Variants in SPAG6 observed in about 807,000 individuals in gnomAD.
SPAG6 encodes sperm-associated antigen 6.
Under a neutral mutation model 58.5 loss-of-function variants are expected in SPAG6, and 49 were observed. That is an observed-to-expected ratio of 0.84 (90% CI 0.67 to 1.06). SPAG6 has a LOEUF of 1.06. Among genes scored for constraint, SPAG6 ranks in the 50% least tolerant of loss-of-function variants. SPAG6 has a pLI of 0.00. For missense variants in SPAG6, 560 were observed against 611.3 expected (o/e 0.92, Z 0.89); for synonymous variants, 233 against 225.6 (o/e 1.03, Z -0.29).
At chr10:22,385,315 G>A (rs1834041217) in intron 4 of SPAG6, among the ~76,000 whole-genome samples, 1 of 152,098 alleles carries the variant, frequency 6.6e-6, no homozygotes, top group Non-Finnish European at 1.5e-5. Flanking sequence ...TGTTTCTGAG[G>A]AACCTGTTGT....
intron 3 of SPAG6, among the ~76,000 whole-genome samples, chr10:22,365,476 C>CT (rs1837171332): frequency 6.6e-6 from 1 of 152,106 alleles, no homozygotes; most frequent in Non-Finnish European, 1.5e-5. Context: ...TTTGATAAAT[C>CT]TTTTTTTACC....
intron 10 of SPAG6, among the ~76,000 whole-genome samples, chr10:22,415,428 A>C (rs115169188): frequency 3.3e-5 from 5 of 152,168 alleles, no homozygotes; most frequent in Non-Finnish European, 7.4e-5. Context: ...CTCAGAGAAG[A>C]AGCAGTTGTG....
intron 4 of SPAG6, among the ~76,000 whole-genome samples, chr10:22,385,211 G>A (rs1392344016): frequency 6.6e-6 from 1 of 151,980 alleles, no homozygotes; most frequent in Non-Finnish European, 1.5e-5. Flanking sequence ...CTTTGGATGG[G>A]TGTGGGGGTG....
rs541114504 is a variant in SPAG6, at chr10:22,397,096, C to T, written c.1198-4065C>T. Among the ~76,000 whole-genome samples, 3 of 152,070 alleles carry T rather than the reference C, an allele frequency of 2.0e-5. No individual in the cohort carries two copies. In the South Asian group the frequency reaches 6.2e-4, roughly 32 times the overall value. Reference sequence around the variant, plus strand: ...GTTGTAAGGGCTATTTTATTTTGCTCACAGCCATAAACAACCAATCATAAT... The same window carrying T: ...GTTGTAAGGGCTATTTTATTTTGCTTACAGCCATAAACAACCAATCATAAT... On this transcript the variant is annotated intron_variant, in intron 8 of 10. Transcript: ENST00000376624.
intron 9 of SPAG6, among the ~76,000 whole-genome samples, chr10:22,409,226 G>T (rs962432646): frequency 2.0e-5 from 3 of 152,206 alleles, no homozygotes; most frequent in African/African-American, 7.2e-5. Context: ...AAGGTGAAAA[G>T]ATACTGAAGT....
intron 3 of SPAG6, among the ~76,000 whole-genome samples, chr10:22,367,380 A>G (rs1217126534): frequency 6.6e-6 from 1 of 152,162 alleles, no homozygotes; most frequent in East Asian, 1.9e-4. Flanking sequence ...CATCAGTACT[A>G]ATATAGCATA....
At chr10:22,410,980 A>G (rs1834716505) in intron 9 of SPAG6, 51 bp from the exon 10 acceptor site, 2 of 1,566,208 alleles carry the variant, frequency 1.3e-6, no homozygotes, top group Non-Finnish European at 1.7e-6. Context: ...CAATAGTAAT[A>G]ATCTAACTTG....
chr10:22,401,222 T>A lies in SPAG6; in HGVS notation c.1259T>A (p.Phe420Tyr). Residue 420 changes from phenylalanine (F) to tyrosine (Y), a missense_variant, in exon 9 of 11, where the codon TTT becomes TAT. Coordinates refer to ENST00000376624, the MANE Select transcript of SPAG6 (RefSeq NM_012443.4). The part of the protein sequence containing the change: ...KCTYLPALEP[F>Y]LYDAPPNILK... Reference sequence around the variant, plus strand: ...ACCTACTTACCAGCCCTTGAACCATTTCTATATGATGCTCCTCCCAATATT... The same window carrying A: ...ACCTACTTACCAGCCCTTGAACCATATCTATATGATGCTCCTCCCAATATT... 1 of 1,608,712 alleles carries A rather than the reference T, an allele frequency of 6.2e-7. No individual in the cohort carries two copies. The highest frequency in any genetic ancestry group is 8.5e-7 in the Non-Finnish European group (1 of 1,175,308).
intron 4 of SPAG6, among the ~76,000 whole-genome samples, chr10:22,369,443 T>G (rs1441953408): frequency 3.2e-4 from 49 of 152,210 alleles, no homozygotes; most frequent in Non-Finnish European, 7.3e-5. Context: ...ACTTTGCTAG[T>G]AATCAACAAA....
intron 8 of SPAG6, among the ~76,000 whole-genome samples, chr10:22,400,017 A>G (rs1834373881): frequency 6.6e-6 from 1 of 152,190 alleles, no homozygotes; most frequent in South Asian, 2.1e-4. Flanking sequence ...AGGCTATGCA[A>G]GACTGCTTAG....
At chr10:22,352,992 C>T (rs1411922563) in intron 2 of SPAG6, among the ~76,000 whole-genome samples, 1 of 152,208 alleles carries the variant, frequency 6.6e-6, no homozygotes, top group African/African-American at 2.4e-5. Flanking sequence ...CTTCAACCTA[C>T]ATTTCTGATA....
At chr10:22,362,098 T>A (rs1308947648) in intron 2 of SPAG6, among the ~76,000 whole-genome samples, 1 of 145,932 alleles carries the variant, frequency 6.9e-6, no homozygotes, top group East Asian at 1.9e-4. Context: ...TTTTATATAT[T>A]CGATGTAAAT....
rs142734215 is a variant in SPAG6, at chr10:22,383,531, C to T, written c.473-3223C>T. On this transcript the variant is annotated intron_variant, in intron 4 of 10. Transcript: ENST00000376624. ...GCAGTTGCCTGTAATCCCAGCTACT[C>T]GAGAGGCTGAGGCAGAGAATTGCTT... Among the ~76,000 whole-genome samples the T allele has an allele frequency of 9.3e-3, 1,411 of 151,706 alleles. 24 individuals are homozygous for T. Among genetic ancestry groups the T allele is most frequent in the African/African-American group, 0.033 (1,352 of 41,326 alleles).
At chr10:22,371,504 G>A (rs1481319666) in intron 4 of SPAG6, among the ~76,000 whole-genome samples, 3 of 152,046 alleles carry the variant, frequency 2.0e-5, no homozygotes, top group African/African-American at 7.2e-5. Flanking sequence ...CGCCCGCCTC[G>A]GCCTCCCAAA....
rs144562492 is a variant in SPAG6 at position 22,374,327 on chromosome 10, G to A, written c.472+5649G>A. Among the ~76,000 whole-genome samples, 648 of 152,238 alleles carry A rather than the reference G, an allele frequency of 4.3e-3. 4 individuals are homozygous for A. The highest frequency in any genetic ancestry group is 0.015 in the African/African-American group (627 of 41,534). On this transcript the variant is annotated intron_variant, in intron 4 of 10. Transcript: ENST00000376624. The stretch of plus-strand genomic sequence containing the variant: ...TACAATAAATTGACTAAGACCTCGT[G>A]TGTGGGACTTTATAATCTAAGGCAG...
chr10:22,345,638 T>C lies in SPAG6; in HGVS notation c.25+2T>C. 1 of 1,545,636 alleles carries C rather than the reference T, an allele frequency of 6.5e-7. No individual in the cohort carries two copies. Among genetic ancestry groups the C allele is most frequent in the Non-Finnish European group, 8.7e-7 (1 of 1,146,460 alleles). On this transcript the variant is annotated splice_donor_variant, in intron 1 of 10. Coordinates refer to ENST00000376624, the MANE Select transcript of SPAG6 (RefSeq NM_012443.4). LOFTEE classifies it high-confidence loss of function. The surrounding 1 kb of genome is among the most constrained non-coding windows in gnomAD (Gnocchi z 6.3). ...TGAGTCAGAGGCAGGTGCTGCAAGG[T>C]AGGGCCGAGGCGGGCAGGTGCCCTA...
chr10:22,412,077 C>T (rs976570271), intron 10 of SPAG6, among the ~76,000 whole-genome samples: 1 of 152,036 alleles, frequency 6.6e-6, no homozygotes, highest in Non-Finnish European at 1.5e-5. Context: ...TCTCGATATC[C>T]TGACGTCGTG....
intron 9 of SPAG6, among the ~76,000 whole-genome samples, chr10:22,406,287 T>C (rs1242849707): frequency 6.6e-6 from 1 of 152,128 alleles, no homozygotes; most frequent in African/African-American, 2.4e-5. Flanking sequence ...TGCTATAAAT[T>C]TCCCTCTACA....
At chr10:22,409,284 A>G (rs1834658523) in intron 9 of SPAG6, among the ~76,000 whole-genome samples, 1 of 152,246 alleles carries the variant, frequency 6.6e-6, no homozygotes, top group Non-Finnish European at 1.5e-5. Flanking sequence ...AGGCCAAATG[A>G]AATATGTAAA....
Sources: allele counts gnomAD v4.1 joint callset (sites outside exome capture counted in the v4.1 genomes callset), GRCh38; gene constraint gnomAD v4.1.1; non-coding constraint Gnocchi (gnomAD v3.1); transcripts MANE v1.5; gene names NCBI Gene and HGNC (gene_info 2026-07-23, HGNC 2026-07-21).